The following SCARB1 variants were observed in gnomAD, a reference collection of about 807,000 sequenced individuals.
SCARB1 encodes CD36 and LIMPII analogous 1.
Under a neutral mutation model 57.2 loss-of-function variants are expected in SCARB1, and 30 were observed. That is an observed-to-expected ratio of 0.52 (90% CI 0.39 to 0.71). SCARB1 has a LOEUF of 0.71. Among genes scored for constraint, SCARB1 ranks in the 30% least tolerant of loss-of-function variants. The pLI is 0.00. For missense variants in SCARB1, 543 were observed against 671.2 expected (o/e 0.81, Z 2.11); for synonymous variants, 249 against 268.3 (o/e 0.93, Z 0.70).
At chr12:124,799,529 AAAT>A (rs1950064333) in intron 8 of SCARB1, among the ~76,000 whole-genome samples, 1 of 152,072 alleles carries the variant, frequency 6.6e-6, no homozygotes, top group South Asian at 2.1e-4. Context: ...CCTGTCTCAA[AAAT>A]AATAATAATT....
intron 1 of SCARB1, among the ~76,000 whole-genome samples, chr12:124,851,545 G>A (rs78299847): frequency 0.016 from 2,426 of 151,698 alleles, 65 homozygotes; most frequent in African/African-American, 0.055. Flanking sequence ...AATGGACCTC[G>A]GTCTCCTGAC....
rs1156407677 is a variant in SCARB1, at chr12:124,782,789, C to T, written c.1424G>A (p.Ser475Asn). 1.2e-6 allele frequency: 2 copies of T among 1,613,860 alleles called. No individual in the cohort carries two copies. Among genetic ancestry groups the T allele is most frequent in the Admixed American group, 1.7e-5 (1 of 60,024 alleles). ...RSQEKCYLFW[S>N]SSKKGSKDKE... is the part of the protein sequence containing the mutation. ...ATCCTTTGAGCCCTTTTTACTACTA[C>T]TCCAAAATAAATAGCATTTCTCCTA... Residue 475 changes from serine (S) to asparagine (N), a missense_variant, in exon 12 of 13, where the codon AGT (serine) becomes AAT (asparagine). Transcript: ENST00000261693.
At chr12:124,794,595 T>C (rs1235611570) in intron 9 of SCARB1, among the ~76,000 whole-genome samples, 1 of 151,712 alleles carries the variant, frequency 6.6e-6, no homozygotes, top group Non-Finnish European at 1.5e-5. Context: ...CAGCTTGGAT[T>C]GAAGCTCTGG....
chr12:124,782,450 A>C (rs1394290935), intron 12 of SCARB1, among the ~76,000 whole-genome samples: 1 of 152,240 alleles, frequency 6.6e-6, no homozygotes, highest in East Asian at 1.9e-4. Flanking sequence ...AATAGGCACC[A>C]GCCCACAGAA....
chr12:124,784,490 C>T (rs1182777937), intron 11 of SCARB1: 2 of 152,238 alleles, frequency 1.3e-5, no homozygotes, highest in Non-Finnish European at 2.9e-5. Context: ...GAAAGGAAGT[C>T]GGGTTTCAGG....
In SCARB1 at chr12:124,844,184, G is replaced by A. The variant is rs369184451; in HGVS notation, c.126+19411C>T. ...CAACAGGATGAACATGAATTAGGGGGTCCAGGCAGCAGAAGGAAGCAATAA... is the reference window on the plus strand; with the variant it reads ...CAACAGGATGAACATGAATTAGGGGATCCAGGCAGCAGAAGGAAGCAATAA... On this transcript the variant is annotated intron_variant, in intron 1 of 12. Coordinates refer to ENST00000261693, the MANE Select transcript of SCARB1 (RefSeq NM_005505.5). Among the ~76,000 whole-genome samples the A allele has an allele frequency of 2.6e-5, 4 of 152,260 alleles. No individual in the cohort carries two copies. The East Asian group carries it at 7.7e-4, about 29-fold the overall frequency.
At position 124,810,949 on chromosome 12, in the gene SCARB1, C is replaced by A. The variant is rs1231987837; in HGVS notation, c.727-660G>T. 6.6e-6 allele frequency among the ~76,000 whole-genome samples: 1 copy of A among 152,216 alleles called. No individual in the cohort carries two copies. The highest frequency in any genetic ancestry group is 2.4e-5 in the African/African-American group (1 of 41,448). On this transcript the variant is annotated intron_variant, in intron 5 of 12. Transcript: ENST00000261693. The surrounding 1 kb of genome is among the most constrained non-coding windows in gnomAD (Gnocchi z 4.0). Reference sequence around the variant, plus strand: ...GCACCGGTTGGGGTACGATTTGTCCCTAGCCCTCAGGGTCTTTGCAGTAAC... The same window carrying A: ...GCACCGGTTGGGGTACGATTTGTCCATAGCCCTCAGGGTCTTTGCAGTAAC...
At position 124,810,529 on chromosome 12, in the gene SCARB1, T is replaced by C. The variant is rs60910935; in HGVS notation, c.727-240A>G. ...GGACTCAGTTCTTTCATCTGCAAAA[T>C]AGGCCTATCACCCACATTTCCAGCC... On this transcript the variant is annotated intron_variant, in intron 5 of 12. Coordinates refer to ENST00000261693, the MANE Select transcript of SCARB1 (RefSeq NM_005505.5). The surrounding 1 kb of genome is among the most constrained non-coding windows in gnomAD (Gnocchi z 4.0). 0.014 allele frequency among the ~76,000 whole-genome samples: 2,130 copies of C among 152,208 alleles called. 49 individuals are homozygous for C. Among genetic ancestry groups the C allele is most frequent in the African/African-American group, 0.049 (2,017 of 41,518 alleles).
At chr12:124,778,646 T>TTGCCCCC in intron 12 of SCARB1, 60 bp from the exon 13 acceptor site, 1 of 1,337,834 alleles carries the variant, frequency 7.5e-7, no homozygotes, top group Non-Finnish European at 9.6e-7. Flanking sequence ...CCCACCCTCA[T>TTGCCCCC]CCCCGCCCAC....
intron 1 of SCARB1, among the ~76,000 whole-genome samples, chr12:124,830,891 C>A (rs1406215218): frequency 1.3e-5 from 2 of 150,490 alleles, no homozygotes; most frequent in Non-Finnish European, 3.0e-5. Context: ...CAGCTCACTG[C>A]AACCTCCACC....
chr12:124,844,233 G>A (rs11057851), intron 1 of SCARB1, among the ~76,000 whole-genome samples: 24,763 of 152,068 alleles, frequency 0.16, 2,442 homozygotes, highest in African/African-American at 0.27. Flanking sequence ...ATAGGAACAC[G>A]GATAGATTTT....
intron 1 of SCARB1, among the ~76,000 whole-genome samples, chr12:124,829,416 T>TTCCTGC (rs1951296448): frequency 6.6e-6 from 1 of 152,198 alleles, no homozygotes; most frequent in Non-Finnish European, 1.5e-5. Flanking sequence ...GAGCATGTCA[T>TTCCTGC]TCTGCTCAAA....
rs560291350 is a variant in SCARB1 at position 124,784,231 on chromosome 12, T to G, written c.1402-1420A>C. 2.0e-5 allele frequency: 3 copies of G among 152,470 alleles called. No homozygotes were observed. In the East Asian group the frequency reaches 5.8e-4, roughly 29 times the overall value. 9.4% of individuals were successfully genotyped at this position (152,470 alleles called of 1,614,324 possible). ...TGGGAGTGTGGGTTCTGAGTCCTTC[T>G]GTCCTCCCTACATAATTCAGTCTAG... is the stretch of plus-strand genomic sequence containing the variant. On this transcript the variant is annotated intron_variant, in intron 11 of 12. Transcript: ENST00000261693.
intron 7 of SCARB1, among the ~76,000 whole-genome samples, chr12:124,801,876 C>T (rs962764768): frequency 2.0e-5 from 3 of 146,586 alleles, no homozygotes; most frequent in Non-Finnish European, 3.0e-5. Context: ...AAGGGCCGGG[C>T]GCGGTGGCTC....
chr12:124,782,795 A>C lies in SCARB1; in HGVS notation c.1418T>G (p.Phe473Cys). 11 of 1,613,990 alleles carry C rather than the reference A, an allele frequency of 6.8e-6. No individual in the cohort carries two copies. Among genetic ancestry groups the C allele is most frequent in the Non-Finnish European group, 9.3e-6 (11 of 1,179,858 alleles). Residue 473 changes from phenylalanine (F) to cysteine (C), a missense_variant, in exon 12 of 13, where the codon TTT becomes TGT. By Grantham distance (205) the Phe-to-Cys change is radical. Coordinates refer to ENST00000261693, the MANE Select transcript of SCARB1 (RefSeq NM_005505.5). Reference sequence around the variant, plus strand: ...TGAGCCCTTTTTACTACTACTCCAAAATAAATAGCATTTCTCCTAGAAGAT... The same window carrying C: ...TGAGCCCTTTTTACTACTACTCCAACATAAATAGCATTTCTCCTAGAAGAT... ...QIRSQEKCYL[F>C]WSSSKKGSKD...
chr12:124,792,063 G>A (rs565173437), intron 9 of SCARB1, among the ~76,000 whole-genome samples: 84 of 152,222 alleles, frequency 5.5e-4, no homozygotes, highest in Non-Finnish European at 1.1e-3. Context: ...TCACCCTACA[G>A]AGGACGAAAC....
chr12:124,837,588 G>GAA (rs71092229), intron 1 of SCARB1, among the ~76,000 whole-genome samples: 1 of 61,192 alleles, frequency 1.6e-5, no homozygotes, highest in African/African-American at 7.0e-5. Context: ...GAAAAGAAAA[G>GAA]AAAAGAAAAG....
At chr12:124,823,880 T>C (rs887257961) in intron 1 of SCARB1, among the ~76,000 whole-genome samples, 9 of 151,942 alleles carry the variant, frequency 5.9e-5, no homozygotes, top group African/African-American at 2.2e-4. Flanking sequence ...AAGAAAGGAA[T>C]GCGGCCAGGT....
At position 124,822,451 on chromosome 12, in the gene SCARB1, C is replaced by T. The variant is rs781195304; in HGVS notation, c.127-4744G>A. Among the ~76,000 whole-genome samples the T allele has an allele frequency of 1.3e-5, 2 of 152,118 alleles. No homozygotes were observed. Among genetic ancestry groups the T allele is most frequent in the East Asian group, 1.9e-4 (1 of 5,196 alleles). ...CTACACAACACCATTTCCGCGACAT[C>T]GGGGAAAGGGAATACTCTAGAGAGA... On this transcript the variant is annotated intron_variant, in intron 1 of 12. Transcript: ENST00000261693. The surrounding 1 kb of genome is among the most constrained non-coding windows in gnomAD (Gnocchi z 5.0).
Sources: allele counts gnomAD v4.1 joint callset (sites outside exome capture counted in the v4.1 genomes callset), GRCh38; gene constraint gnomAD v4.1.1; non-coding constraint Gnocchi (gnomAD v3.1); transcripts MANE v1.5; gene names NCBI Gene and HGNC (gene_info 2026-07-23, HGNC 2026-07-21).